Variants in TRAF3 observed in about 807,000 individuals in gnomAD.
The protein encoded by TRAF3 is TNF receptor-associated factor 3.
In TRAF3, 13 loss-of-function variants were observed where a neutral mutation model predicts 62.3. That is an observed-to-expected ratio of 0.21 (90% confidence interval 0.14 to 0.33). TRAF3 has a LOEUF of 0.33. Among genes scored for constraint, TRAF3 ranks in the 10% least tolerant of loss-of-function variants. The pLI is 1.00. For missense variants in TRAF3, 440 were observed against 741.8 expected, an observed-to-expected ratio of 0.59 and a Z score of 4.73; for synonymous variants, 269 against 283.4, an observed-to-expected ratio of 0.95 and a Z score of 0.51.
intron 2 of TRAF3, among the ~76,000 whole-genome samples, chr14:102,832,636 A>G (rs1406288941): frequency 6.6e-6 from 1 of 152,168 alleles, no homozygotes; most frequent in Non-Finnish European, 1.5e-5. Context: ...ATGTCATTGC[A>G]TTCCAGCCTG....
At chr14:102,883,543 G>A (rs1167712722) in intron 6 of TRAF3, among the ~76,000 whole-genome samples, 1 of 152,046 alleles carries the variant, frequency 6.6e-6, no homozygotes, top group Non-Finnish European at 1.5e-5. Context: ...GGACCTGGGT[G>A]TTGGCTTCAT....
chr14:102,824,384 A>G (rs1900166814), intron 1 of TRAF3, among the ~76,000 whole-genome samples: 2 of 152,230 alleles, frequency 1.3e-5, no homozygotes, highest in Admixed American at 1.3e-4. Flanking sequence ...GTAAATAAGT[A>G]TGTATCTAAG....
At chr14:102,845,966 G>A (rs1262916214) in intron 2 of TRAF3, among the ~76,000 whole-genome samples, 1 of 119,084 alleles carries the variant, frequency 8.4e-6, no homozygotes, top group East Asian at 2.5e-4. Flanking sequence ...GGGTGACAGA[G>A]GTCGACCGTG....
chr14:102,858,243 C>T (rs1177067983), intron 2 of TRAF3, among the ~76,000 whole-genome samples: 1 of 151,940 alleles, frequency 6.6e-6, no homozygotes, highest in African/African-American at 2.4e-5. Flanking sequence ...CCTCTGCCTC[C>T]TAGGTTTAAG....
intron 2 of TRAF3, among the ~76,000 whole-genome samples, chr14:102,863,576 C>T (rs1887803370): frequency 6.6e-6 from 1 of 152,200 alleles, no homozygotes; most frequent in Non-Finnish European, 1.5e-5. Flanking sequence ...AGGGCCTTTT[C>T]AGGTCTTTCC....
At chr14:102,872,567 G>T (rs1595381208) in intron 4 of TRAF3, among the ~76,000 whole-genome samples, 1 of 152,222 alleles carries the variant, frequency 6.6e-6, no homozygotes, top group African/African-American at 2.4e-5. Flanking sequence ...CCTGCCACCA[G>T]CTTCTCTCCT....
intron 1 of TRAF3, among the ~76,000 whole-genome samples, chr14:102,777,906 G>T (rs1357062402): frequency 6.7e-6 from 1 of 149,520 alleles, no homozygotes; most frequent in Non-Finnish European, 1.5e-5. Flanking sequence ...CTCAACTTCG[G>T]CAAACTTTGT....
At chr14:102,824,114 A>G (rs1238923885) in intron 1 of TRAF3, among the ~76,000 whole-genome samples, 9 of 152,182 alleles carry the variant, frequency 5.9e-5, no homozygotes, top group Non-Finnish European at 1.3e-4. Flanking sequence ...TTGGGAATAT[A>G]CCTAGGTTGT....
At chr14:102,801,956 C>G (rs1048197917) in intron 1 of TRAF3, among the ~76,000 whole-genome samples, 3 of 146,112 alleles carry the variant, frequency 2.1e-5, no homozygotes, top group South Asian at 2.2e-4. Flanking sequence ...GCGGAGCTTG[C>G]AGTGAGCCGA....
chr14:102,881,500 A>T (rs535042428), intron 6 of TRAF3, among the ~76,000 whole-genome samples: 2 of 152,186 alleles, frequency 1.3e-5, no homozygotes, highest in African/African-American at 2.4e-5. Flanking sequence ...GAACAGAAAA[A>T]CACCACATGT....
In TRAF3 at chr14:102,886,381, G is replaced by T. The variant is rs1889391105; in HGVS notation, c.651+112G>T. ...CGTTTTCCCAGTTCGTGAGAGTCATGTGTATGGCAGACAAACAAAAACCAC... is the reference window on the plus strand; with the variant it reads ...CGTTTTCCCAGTTCGTGAGAGTCATTTGTATGGCAGACAAACAAAAACCAC... On this transcript the variant is annotated intron_variant, in intron 7 of 11. Transcript: ENST00000392745. 3 of 916,506 alleles carry T rather than the reference G, an allele frequency of 3.3e-6. No individual in the cohort carries two copies. The African/African-American group carries it at 5.0e-5, about 15-fold the overall frequency. The allele number at this position is 916,506 out of a possible 1,614,324, so 56.8% of individuals were successfully genotyped here.
At chr14:102,792,995 C>T (rs1056565344) in intron 1 of TRAF3, among the ~76,000 whole-genome samples, 31 of 151,796 alleles carry the variant, frequency 2.0e-4, no homozygotes, top group South Asian at 4.2e-4. Context: ...TTTTTAGTAG[C>T]GACAGGGTTT....
chr14:102,859,094 T>G (rs1887541994), intron 2 of TRAF3, among the ~76,000 whole-genome samples: 1 of 152,152 alleles, frequency 6.6e-6, no homozygotes, highest in South Asian at 2.1e-4. Flanking sequence ...CACACAGAAT[T>G]TCTTTTAAAA....
chr14:102,797,761 A>G (rs1374562704), intron 1 of TRAF3, among the ~76,000 whole-genome samples: 1 of 135,818 alleles, frequency 7.4e-6, no homozygotes, highest in African/African-American at 2.8e-5. Context: ...TTTGAGATGT[A>G]GTTTTGCTCT....
chr14:102,868,730 A>G (rs530229834), intron 2 of TRAF3, among the ~76,000 whole-genome samples: 1 of 152,326 alleles, frequency 6.6e-6, no homozygotes, highest in South Asian at 2.1e-4. Context: ...GTTAGCAAAT[A>G]TTTAGGATGA....
intron 1 of TRAF3, among the ~76,000 whole-genome samples, chr14:102,794,560 G>A (rs899141549): frequency 1.2e-4 from 19 of 152,182 alleles, no homozygotes; most frequent in African/African-American, 4.3e-4. Context: ...AAGACACAGA[G>A]TCCTCCTATA....
At chr14:102,828,191 T>C (rs1900440289) in intron 1 of TRAF3, among the ~76,000 whole-genome samples, 1 of 152,226 alleles carries the variant, frequency 6.6e-6, no homozygotes, top group South Asian at 2.1e-4. Flanking sequence ...TTAAAAATCT[T>C]CGTGATTGGA....
intron 6 of TRAF3, among the ~76,000 whole-genome samples, chr14:102,882,132 G>C (rs181641417): frequency 6.6e-6 from 1 of 152,188 alleles, no homozygotes. Flanking sequence ...CAATAGCTTA[G>C]CCGGAGTGTC....
intron 1 of TRAF3, among the ~76,000 whole-genome samples, chr14:102,779,239 GGA>G (rs1343946986): frequency 6.7e-6 from 1 of 149,470 alleles, no homozygotes; most frequent in Admixed American, 6.7e-5. Flanking sequence ...AGCCAGGAAA[GGA>G]GAGAGAGCTG....
Sources: allele counts gnomAD v4.1 joint callset (sites outside exome capture counted in the v4.1 genomes callset), GRCh38; gene constraint gnomAD v4.1.1; transcripts MANE v1.5; gene names NCBI Gene and HGNC (gene_info 2026-07-23, HGNC 2026-07-21).